Variants in ATP2C1 observed in about 807,000 individuals in gnomAD.
ATP2C1 encodes the protein ATPase secretory pathway Ca2+ transporting 1, also known as calcium-transporting ATPase type 2C member 1.
A neutral mutation model predicts 120.5 loss-of-function variants in ATP2C1; 31 were observed. The ratio of observed to expected loss-of-function variants is 0.26; its 90% confidence interval spans 0.19 to 0.35. The LOEUF is 0.35. Ranked by LOEUF, ATP2C1 falls within the 10% of genes least tolerant of loss-of-function variation. ATP2C1 has a pLI of 1.00. For missense variants in ATP2C1, 731 were observed against 1,107.5 expected (o/e 0.66, Z 4.83); for synonymous variants, 351 against 358.7 (o/e 0.98, Z 0.24).
intron 20 of ATP2C1, among the ~76,000 whole-genome samples, chr3:130,992,042 G>A (rs2062377711): frequency 6.6e-6 from 1 of 152,202 alleles, no homozygotes; most frequent in South Asian, 2.1e-4. Context: ...AGAGTGACAT[G>A]GTAGTGAGGC....
intron 1 of ATP2C1, among the ~76,000 whole-genome samples, chr3:130,856,685 G>A (rs2107700728): frequency 6.6e-6 from 1 of 152,198 alleles, no homozygotes; most frequent in East Asian, 1.9e-4. Context: ...TTGCTTTTTG[G>A]ATACAGACAA....
chr3:130,860,124 A>G (rs868331757), intron 1 of ATP2C1, among the ~76,000 whole-genome samples: 20 of 152,372 alleles, frequency 1.3e-4, no homozygotes, highest in Middle Eastern at 3.4e-3. Context: ...TTTTCATTAA[A>G]ACAAACATAA....
chr3:130,942,883 C>T (rs897383789), intron 8 of ATP2C1, among the ~76,000 whole-genome samples: 5 of 152,172 alleles, frequency 3.3e-5, no homozygotes, highest in African/African-American at 1.2e-4. Flanking sequence ...AAGTTTTCTT[C>T]CCCCTCCCCC....
chr3:131,013,032 A>G (rs530963449), intron 26 of ATP2C1, among the ~76,000 whole-genome samples: 7 of 152,260 alleles, frequency 4.6e-5, no homozygotes, highest in Non-Finnish European at 7.3e-5. Flanking sequence ...GGGAGAGTAC[A>G]GAAGGAAGAA....
At chr3:130,996,515 A>G (rs895448813) in intron 23 of ATP2C1, among the ~76,000 whole-genome samples, 165 bp from the exon 24 acceptor site, 7 of 152,250 alleles carry the variant, frequency 4.6e-5, no homozygotes, top group Non-Finnish European at 1.0e-4. Context: ...CTTTGTTAAA[A>G]TACTCTTAGC....
At chr3:130,877,901 G>A (rs903495408) in intron 1 of ATP2C1, among the ~76,000 whole-genome samples, 102 of 152,080 alleles carry the variant, frequency 6.7e-4, no homozygotes, top group African/African-American at 2.3e-3. Context: ...ATGTCCAACA[G>A]TGATAGACTG....
intron 8 of ATP2C1, 92 bp from the exon 9 acceptor site, chr3:130,953,729 G>A: frequency 1.5e-6 from 2 of 1,310,616 alleles, no homozygotes; most frequent in Non-Finnish European, 2.2e-6. Flanking sequence ...ATGGAAAAGG[G>A]ATGTTTGAGG....
chr3:130,905,970 C>G (rs1308185948), intron 2 of ATP2C1, among the ~76,000 whole-genome samples: 1 of 152,036 alleles, frequency 6.6e-6, no homozygotes, highest in African/African-American at 2.4e-5. Context: ...CTTATTTGTT[C>G]TGTATGCACA....
At chr3:130,897,551 G>C (rs1487847755) in intron 2 of ATP2C1, among the ~76,000 whole-genome samples, 1 of 152,160 alleles carries the variant, frequency 6.6e-6, no homozygotes, top group Non-Finnish European at 1.5e-5. Flanking sequence ...AGTTACATTT[G>C]TGGGTGTGAA....
At chr3:130,870,364 A>G (rs965808891) in intron 1 of ATP2C1, among the ~76,000 whole-genome samples, 3 of 152,242 alleles carry the variant, frequency 2.0e-5, no homozygotes, top group East Asian at 1.9e-4. Flanking sequence ...GGCTATAGCT[A>G]CCATAGATAG....
At chr3:130,913,394 T>C (rs2058535429) in intron 2 of ATP2C1, among the ~76,000 whole-genome samples, 1 of 152,184 alleles carries the variant, frequency 6.6e-6, no homozygotes, top group Admixed American at 6.5e-5. Flanking sequence ...ATTAACAGAA[T>C]AGAGCCTCGT....
intron 1 of ATP2C1, among the ~76,000 whole-genome samples, chr3:130,862,263 A>C (rs1003674335): frequency 6.6e-6 from 1 of 150,836 alleles, no homozygotes; most frequent in Non-Finnish European, 1.5e-5. Context: ...GATTATAGGC[A>C]TGAGCCACTG....
intron 2 of ATP2C1, among the ~76,000 whole-genome samples, chr3:130,922,643 A>G (rs1040997591): frequency 9.2e-5 from 14 of 152,098 alleles, no homozygotes; most frequent in African/African-American, 3.4e-4. Context: ...AGAGGTTTTG[A>G]TAAGTTGTGT....
chr3:131,010,748 TTTC>T (rs936334724), intron 26 of ATP2C1, among the ~76,000 whole-genome samples: 8 of 152,230 alleles, frequency 5.3e-5, no homozygotes, highest in African/African-American at 1.9e-4. Context: ...CCTGCCCATC[TTTC>T]TTCTTCACCA....
rs2058145938 is a variant in ATP2C1, at chr3:130,906,776, CT to C, written c.6+12005del. ...AAATGACTAATGATGTGTCAAGGAT[CT>C]TTTGCATGGATTCTTCATGCAAAAG... On this transcript the variant is annotated intron_variant, in intron 2 of 27. Transcript: ENST00000510168. Among the ~76,000 whole-genome samples the C allele has an allele frequency of 2.7e-5, 4 of 148,924 alleles. No individual in the cohort carries two copies. The Admixed American group carries it at 2.7e-4, about 10-fold the overall frequency.
At chr3:130,994,188 T>A (rs2062489414) in intron 22 of ATP2C1, 90 bp downstream of exon 22, 2 of 1,487,370 alleles carry the variant, frequency 1.3e-6, no homozygotes, top group Non-Finnish European at 9.3e-7. Context: ...GGAAAAGAAT[T>A]AGTATTTAAA....
At chr3:130,957,642 G>T (rs2060638303) in intron 11 of ATP2C1, among the ~76,000 whole-genome samples, 2 of 152,146 alleles carry the variant, frequency 1.3e-5, no homozygotes, top group South Asian at 4.1e-4. Flanking sequence ...CACCTCCTGG[G>T]GTTCAAGTGA....
chr3:130,923,636 G>T (rs1010434953), intron 2 of ATP2C1, among the ~76,000 whole-genome samples: 12 of 152,042 alleles, frequency 7.9e-5, no homozygotes, highest in African/African-American at 2.4e-4. Context: ...GGGAGGCATA[G>T]GTGGGTGGAT....
At chr3:130,902,909 G>A (rs2057932653) in intron 2 of ATP2C1, among the ~76,000 whole-genome samples, 2 of 151,956 alleles carry the variant, frequency 1.3e-5, no homozygotes, top group African/African-American at 4.8e-5. Flanking sequence ...CAATCCCTTA[G>A]TGATCTATTC....
Sources: allele counts gnomAD v4.1 joint callset (sites outside exome capture counted in the v4.1 genomes callset), GRCh38; gene constraint gnomAD v4.1.1; transcripts MANE v1.5; gene names NCBI Gene and HGNC (gene_info 2026-07-23, HGNC 2026-07-21).